The following TCF7L1 variants were observed in gnomAD, a reference collection of about 807,000 sequenced individuals.
TCF7L1 encodes transcription factor 7 like 1.
A neutral mutation model predicts 63.7 loss-of-function variants in TCF7L1; 18 were observed. The observed-to-expected ratio is 0.28, with a 90% confidence interval of 0.20 to 0.42. The LOEUF (loss-of-function observed/expected upper bound fraction) is 0.42, where lower values mean the gene tolerates loss of function less well. Ranked by LOEUF, TCF7L1 falls within the 10% of genes least tolerant of loss-of-function variation. TCF7L1 has a pLI of 1.00. For missense variants in TCF7L1, 654 were observed against 779.3 expected (o/e 0.84, Z 1.91); for synonymous variants, 355 against 340.9 (o/e 1.04, Z -0.46).
chr2:85,205,624 C>T (rs914333389), intron 3 of TCF7L1, among the ~76,000 whole-genome samples: 1 of 151,910 alleles, frequency 6.6e-6, no homozygotes, highest in Non-Finnish European at 1.5e-5. Context: ...CTCTGCCTCC[C>T]AGGTTCAAGC....
intron 3 of TCF7L1, among the ~76,000 whole-genome samples, chr2:85,172,489 C>T (rs757148287): frequency 5.7e-4 from 87 of 152,294 alleles, no homozygotes; most frequent in Non-Finnish European, 8.4e-4. Flanking sequence ...TGCAGTGGCG[C>T]GATCTCGGCT....
At chr2:85,162,058 A>T (rs980476981) in intron 3 of TCF7L1, among the ~76,000 whole-genome samples, 7 of 142,362 alleles carry the variant, frequency 4.9e-5, no homozygotes, top group Admixed American at 4.2e-4. Flanking sequence ...GTTGAGATTT[A>T]AAAAAAAAAA....
intron 3 of TCF7L1, among the ~76,000 whole-genome samples, chr2:85,159,593 C>T (rs1439829375): frequency 6.6e-6 from 1 of 152,216 alleles, no homozygotes; most frequent in East Asian, 1.9e-4. Flanking sequence ...CAGACCAGTG[C>T]CTGCCCTCTC....
intron 3 of TCF7L1, among the ~76,000 whole-genome samples, chr2:85,140,160 G>A (rs1188382990): frequency 1.3e-5 from 2 of 152,140 alleles, no homozygotes; most frequent in African/African-American, 4.8e-5. Flanking sequence ...TCAGGCACCT[G>A]GAGACTGACT....
At chr2:85,207,640 A>G in intron 3 of TCF7L1, among the ~76,000 whole-genome samples, 1 of 151,546 alleles carries the variant, frequency 6.6e-6, no homozygotes, top group African/African-American at 2.4e-5. Context: ...CAGCTGGAAT[A>G]GTTCTTTCAC....
In TCF7L1 at chr2:85,306,826, G is replaced by A. The variant is rs41288841; in HGVS notation, c.1257+267G>A. Among the ~76,000 whole-genome samples the A allele has an allele frequency of 0.011, 1,727 of 151,980 alleles. 15 individuals are homozygous for A. The highest frequency in any genetic ancestry group is 0.017 in the Middle Eastern group (5 of 294). ...ACTACAGGCACCTGCCACCACACCCGGCTAATTTTTTGTATTTTTAGTAGA... is the reference window on the plus strand; with the variant it reads ...ACTACAGGCACCTGCCACCACACCCAGCTAATTTTTTGTATTTTTAGTAGA... On this transcript the variant is annotated intron_variant, in intron 10 of 11. Transcript: ENST00000282111. The surrounding 1 kb of genome is among the most constrained non-coding windows in gnomAD (Gnocchi z 4.3).
intron 3 of TCF7L1, among the ~76,000 whole-genome samples, chr2:85,261,042 T>C (rs1278388000): frequency 6.6e-6 from 1 of 152,070 alleles, no homozygotes; most frequent in Admixed American, 6.6e-5. Flanking sequence ...ATTAGTATCT[T>C]TGTGGTTTGC....
chr2:85,145,161 G>A (rs1469500276), intron 3 of TCF7L1, among the ~76,000 whole-genome samples: 1 of 152,108 alleles, frequency 6.6e-6, no homozygotes, highest in Non-Finnish European at 1.5e-5. Context: ...TTAACAAAGG[G>A]GGCTTATGAT....
intron 3 of TCF7L1, among the ~76,000 whole-genome samples, chr2:85,185,517 A>G (rs963807871): frequency 2.0e-5 from 3 of 152,150 alleles, no homozygotes; most frequent in Non-Finnish European, 4.4e-5. Context: ...AGTCTCAAGC[A>G]GGAGCCAGCC....
chr2:85,253,371 C>T (rs1481741726), intron 3 of TCF7L1, among the ~76,000 whole-genome samples: 3 of 105,914 alleles, frequency 2.8e-5, no homozygotes, highest in African/African-American at 1.1e-4. Flanking sequence ...GGGGCGGGGG[C>T]GGGGAGGTCT....
chr2:85,269,587 C>A (rs193094156), intron 3 of TCF7L1, among the ~76,000 whole-genome samples: 1 of 152,172 alleles, frequency 6.6e-6, no homozygotes, highest in Non-Finnish European at 1.5e-5. Flanking sequence ...GGCTTACAGG[C>A]GTGAGCCACC....
rs111353438 is a variant in TCF7L1 at position 85,183,509 on chromosome 2, C to T, written c.441+49059C>T. Among the ~76,000 whole-genome samples, 905 of 152,286 alleles carry T rather than the reference C, an allele frequency of 5.9e-3. 12 individuals carry two copies. The highest frequency in any genetic ancestry group is 0.02 in the African/African-American group (848 of 41,564). Reference sequence around the variant, plus strand: ...TGACATGTCTTTCTTGGTGTCTTTGCTGCCTGGTGTCTCTCAGAGCCCATA... The same window carrying T: ...TGACATGTCTTTCTTGGTGTCTTTGTTGCCTGGTGTCTCTCAGAGCCCATA... On this transcript the variant is annotated intron_variant, in intron 3 of 11. Coordinates refer to ENST00000282111, the MANE Select transcript of TCF7L1 (RefSeq NM_031283.3).
At chr2:85,232,122 A>G (rs943888680) in intron 3 of TCF7L1, among the ~76,000 whole-genome samples, 2 of 152,136 alleles carry the variant, frequency 1.3e-5, no homozygotes, top group African/African-American at 4.8e-5. Context: ...AGCAGCCCAC[A>G]AGGCGATCGG....
rs993402798 is a variant in TCF7L1 at position 85,149,993 on chromosome 2, T to A, written c.441+15543T>A. ...CTAAAAACAAGGACATTCGCCAAAG[T>A]GTAATTACTGAAATCGGGAAATTAA... On this transcript the variant is annotated intron_variant, in intron 3 of 11. Transcript: ENST00000282111. Among the ~76,000 whole-genome samples, 47 of 152,340 alleles carry A rather than the reference T, an allele frequency of 3.1e-4. 1 individual carries two copies. The highest frequency in any genetic ancestry group is 1.1e-3 in the African/African-American group (44 of 41,584).
chr2:85,295,475 A>G (rs1681820648), intron 4 of TCF7L1, among the ~76,000 whole-genome samples: 1 of 152,152 alleles, frequency 6.6e-6, no homozygotes, highest in Non-Finnish European at 1.5e-5. Context: ...TGCTGGGATT[A>G]CAGGCATGAG....
At chr2:85,198,146 T>C (rs1348283135) in intron 3 of TCF7L1, among the ~76,000 whole-genome samples, 2 of 152,242 alleles carry the variant, frequency 1.3e-5, no homozygotes, top group African/African-American at 4.8e-5. Flanking sequence ...AACCTTCAGT[T>C]ACAGTCATGT....
chr2:85,192,574 G>T (rs1404193174), intron 3 of TCF7L1, among the ~76,000 whole-genome samples: 2 of 151,918 alleles, frequency 1.3e-5, no homozygotes, highest in African/African-American at 2.4e-5. Flanking sequence ...TAGAGATGGG[G>T]TTTTCAGCAT....
At position 85,134,403 on chromosome 2, in the gene TCF7L1, A is replaced by G; in HGVS notation, c.394A>G (p.Ser132Gly). The part of the protein sequence containing the change: ...YPFLMIPDLS[S>G]PYLSNGPLSP... ...CTTCCTGATGATCCCGGACCTGAGCAGCCCGTACCTCTCCAACGGACCCCT... is the reference window on the plus strand; with the variant it reads ...CTTCCTGATGATCCCGGACCTGAGCGGCCCGTACCTCTCCAACGGACCCCT... The change falls in exon 3 of 12, where the codon AGC becomes GGC. Residue 132 changes from serine to glycine, a missense_variant. Ser to Gly is a moderately conservative substitution (Grantham distance 56). Coordinates refer to ENST00000282111, the MANE Select transcript of TCF7L1 (RefSeq NM_031283.3). The surrounding 1 kb of genome is among the most constrained non-coding windows in gnomAD (Gnocchi z 5.0). 6.4e-7 allele frequency: 1 copy of G among 1,568,526 alleles called. No homozygotes were observed. The highest frequency in any genetic ancestry group is 8.6e-7 in the Non-Finnish European group (1 of 1,156,092).
rs925467011 is a variant in TCF7L1, at chr2:85,256,206, T to TC, written c.442-27282dup. On this transcript the variant is annotated intron_variant, in intron 3 of 11. Transcript: ENST00000282111. ...CGATGTGCTTTGGGGCCGGTTGGCG[T>TC]CCCCCCCGCCCCAACCCAGTACATC... 6.9e-4 allele frequency among the ~76,000 whole-genome samples: 104 copies of TC among 150,236 alleles called. 1 individual carries two copies. The highest frequency in any genetic ancestry group is 1.5e-3 in the African/African-American group (61 of 41,122).
Sources: gnomAD v4.1 joint callset for allele counts (sites outside exome capture counted in the v4.1 genomes callset) on GRCh38, gnomAD v4.1.1 for gene constraint, Gnocchi (gnomAD v3.1) non-coding constraint, MANE v1.5 for transcripts, NCBI Gene and HGNC (gene_info 2026-07-23, HGNC 2026-07-21) for gene names.